Variants in MYH8 observed in about 807,000 individuals in gnomAD.
MYH8 encodes the protein myosin-8.
Under a neutral mutation model 233.2 loss-of-function variants are expected in MYH8, and 168 were observed. That is an observed-to-expected ratio of 0.72 (90% CI 0.64 to 0.82). The LOEUF (loss-of-function observed/expected upper bound fraction) is 0.82. Ranked by LOEUF, MYH8 falls within the 40% of genes least tolerant of loss-of-function variation. MYH8 has a pLI of 0.00. For missense variants in MYH8, 1,995 were observed against 2,327.8 expected (o/e 0.86, Z 2.94); for synonymous variants, 785 against 850.6 (o/e 0.92, Z 1.34).
rs751379339 is a variant in MYH8, at chr17:10,398,780, C to A, written c.3969G>T (p.Glu1323Asp). ...QQIEELKHQL[E>D]EETKAKNALA... is the part of the protein sequence containing the mutation. ...TGGCAAAACTCACTTTAGTTTCTTCCTCTAGTTGATGTTTCAGCTCTTCAA... is the reference window on the plus strand; with the variant it reads ...TGGCAAAACTCACTTTAGTTTCTTCATCTAGTTGATGTTTCAGCTCTTCAA... The change falls in exon 29 of 40, where the codon GAG becomes GAT. Residue 1323 changes from glutamate (E) to aspartate (D), a missense_variant. By Grantham distance (45) the Glu-to-Asp change is conservative. This residue lies in a region of MYH8 where 1,498 missense variants were observed against 1,680.9 expected (regional missense o/e 0.89). Transcript: ENST00000403437. 3.1e-6 allele frequency: 5 copies of A among 1,613,928 alleles called. No individual in the cohort carries two copies. The highest frequency in any genetic ancestry group is 4.2e-6 in the Non-Finnish European group (5 of 1,179,994).
At position 10,419,119 on chromosome 17, in the gene MYH8, G is replaced by A. The variant is rs375682419; in HGVS notation, c.211-89C>T. Reference sequence around the variant, plus strand: ...TTTGCCCAGGCTGGAGTGCAGTGGCGCGATCTCAGCTCACTGCAACCTCCG... The same window carrying A: ...TTTGCCCAGGCTGGAGTGCAGTGGCACGATCTCAGCTCACTGCAACCTCCG... On this transcript the variant is annotated intron_variant, in intron 3 of 39. Transcript: ENST00000403437. This position sits in a 1 kb window ranked among gnomAD's most constrained non-coding sequence, Gnocchi z 4.0. 3.4e-5 allele frequency: 50 copies of A among 1,452,336 alleles called. 1 individual carries two copies. In the Middle Eastern group the frequency reaches 6.8e-4, roughly 20 times the overall value. 90.0% of individuals were successfully genotyped at this position (1,452,336 alleles called of 1,614,324 possible). A position where few individuals can be genotyped will look rare whatever the true frequency, so the allele number is the denominator to read the frequency against.
chr17:10,406,319 T>C lies in MYH8; in HGVS notation c.2250A>G (p.Ala750=). The change falls in exon 20 of 40, where the codon GCA becomes GCG. Residue 750 remains alanine (A), a synonymous_variant. Transcript: ENST00000403437. ...ATTGAGTATGATCAATATCAATAGA[T>C]GCAAGAAGTTTCTCAGAAGCCTTCT... ...DSKKASEKLL[A]SIDIDHTQYK... 1 of 1,613,830 alleles carries C rather than the reference T, an allele frequency of 6.2e-7. No homozygotes were observed.
chr17:10,406,634 A>AT, intron 19 of MYH8, 56 bp downstream of exon 19: 2 of 1,514,016 alleles, frequency 1.3e-6, no homozygotes, highest in Non-Finnish European at 1.8e-6. Flanking sequence ...CGACTTCTTA[A>AT]TTTTTTAATA....
At chr17:10,399,825 G>A (rs1009339344) in intron 27 of MYH8, among the ~76,000 whole-genome samples, 156 bp from the exon 28 acceptor site, 3 of 152,212 alleles carry the variant, frequency 2.0e-5, no homozygotes, top group Admixed American at 6.5e-5. Flanking sequence ...TTTAGGCATG[G>A]CGAGTGCATA....
At position 10,419,959 on chromosome 17, in the gene MYH8, G is replaced by A; in HGVS notation, c.210+59C>T. The A allele has an allele frequency of 1.9e-6, 3 of 1,555,124 alleles. No homozygotes were observed. The highest frequency in any genetic ancestry group is 3.3e-5 in the Admixed American group (2 of 59,958). On this transcript the variant is annotated intron_variant, in intron 3 of 39. Coordinates refer to ENST00000403437, the MANE Select transcript of MYH8 (RefSeq NM_002472.3). The surrounding 1 kb of genome is among the most constrained non-coding windows in gnomAD (Gnocchi z 4.0). ...GGCTTGGAGATTCCCAGTAAGTTAG[G>A]CTTCAACTTTTGAACCAAGAAATAA... is the stretch of plus-strand genomic sequence containing the variant.
chr17:10,391,790 C>G, intron 39 of MYH8, 92 bp downstream of exon 39: 1 of 981,272 alleles, frequency 1.0e-6, no homozygotes, highest in Non-Finnish European at 1.7e-6. Context: ...TAGATTTTCA[C>G]TTTGTCTTCT....
Position 10,414,444 on chromosome 17 carries a change from C to A in MYH8, c.846G>T (p.Ala282=). 6.2e-7 allele frequency: 1 copy of A among 1,613,386 alleles called. No homozygotes were observed. Among genetic ancestry groups the A allele is most frequent in the Non-Finnish European group, 8.5e-7 (1 of 1,179,496 alleles). Residue 282 remains alanine (A), a synonymous_variant, in exon 10 of 40, where the codon GCG becomes GCT. Coordinates refer to ENST00000403437, the MANE Select transcript of MYH8 (RefSeq NM_002472.3). Reference sequence around the variant, plus strand: ...GATAAAAAATATGGTAGCTTCTTTCCGCCTTTAGCTGGAAAGTAACTCTGG... The same window carrying A: ...GATAAAAAATATGGTAGCTTCTTTCAGCCTTTAGCTGGAAAGTAACTCTGG... ...EKSRVTFQLK[A]ERSYHIFYQI... is the part of the protein sequence containing the mutation.
chr17:10,395,590 A>T (rs1235619639), intron 33 of MYH8, 149 bp from the exon 34 acceptor site: 7 of 803,072 alleles, frequency 8.7e-6, no homozygotes, highest in Non-Finnish European at 1.4e-5. Flanking sequence ...GTAAATCATT[A>T]TTTTGTTTAT....
chr17:10,413,788 G>T, intron 12 of MYH8, 114 bp downstream of exon 12: 1 of 1,441,022 alleles, frequency 6.9e-7, no homozygotes, highest in Non-Finnish European at 9.7e-7. Flanking sequence ...GTGTAAATGT[G>T]TATATGCCCT....
chr17:10,411,600 T>G (rs1308315867), intron 14 of MYH8, among the ~76,000 whole-genome samples: 3 of 152,192 alleles, frequency 2.0e-5, no homozygotes, highest in Non-Finnish European at 4.4e-5. Flanking sequence ...AAATTCTCAC[T>G]TCTTTCACCA....
At chr17:10,402,921 A>C (rs924411926) in intron 22 of MYH8, among the ~76,000 whole-genome samples, 2 of 152,186 alleles carry the variant, frequency 1.3e-5, no homozygotes, top group African/African-American at 4.8e-5. Context: ...GAGTTGTACC[A>C]TTGACTAGGC....
rs1248202086 is a variant in MYH8, at chr17:10,401,593, C to G, written c.2881G>C (p.Glu961Gln). ...SELKKDIDDL[E>Q]LTLAKVEKEK... is the part of the protein sequence containing the mutation. ...TTCTCAACCTTGGCCAGTGTCAGCTCAAGGTCATCAATGTCTTTCTTGAGT... is the reference window on the plus strand; with the variant it reads ...TTCTCAACCTTGGCCAGTGTCAGCTGAAGGTCATCAATGTCTTTCTTGAGT... Residue 961 changes from glutamate (E) to glutamine (Q), a missense_variant, in exon 23 of 40, where the codon GAG becomes CAG. Physicochemically the swap from Glu to Gln is conservative, Grantham distance 29. This residue lies in a region of MYH8 where 1,498 missense variants were observed against 1,680.9 expected (regional missense o/e 0.89). Transcript: ENST00000403437. 6.2e-7 allele frequency: 1 copy of G among 1,614,154 alleles called. No homozygotes were observed. The highest frequency in any genetic ancestry group is 8.5e-7 in the Non-Finnish European group (1 of 1,180,020).
Position 10,396,922 on chromosome 17 carries a change from C to A in MYH8, c.4243G>T (p.Ala1415Ser). Residue 1415 changes from alanine (A) to serine (S), a missense_variant, in exon 31 of 40, where the codon GCT becomes TCT. Ala to Ser is a moderately conservative substitution (Grantham distance 99). This residue lies in a region of MYH8 where 1,498 missense variants were observed against 1,680.9 expected (regional missense o/e 0.89). Transcript: ENST00000403437. The surrounding 1 kb of genome is among the most constrained non-coding windows in gnomAD (Gnocchi z 4.2). Reference protein sequence around the residue: ...EHVEAVNAKCASLEKTKQRLQ... With the variant: ...EHVEAVNAKCSSLEKTKQRLQ... ...CGCTGCTTCGTCTTCTCAAGGGAAG[C>A]ACATTTGGCGTTCACAGCTTCTACA... The A allele has an allele frequency of 6.2e-7, 1 of 1,614,226 alleles. No individual in the cohort carries two copies.
Position 10,401,648 on chromosome 17 carries a change from C to T in MYH8, c.2826G>A (p.Lys942=), listed in dbSNP as rs776918994. The T allele has an allele frequency of 2.5e-6, 4 of 1,613,996 alleles. No individual in the cohort carries two copies. The African/African-American group carries it at 5.3e-5, about 22-fold the overall frequency. ...AACATTCATCCTCCAGTTTTCTCTT[C>T]TTGGCTGTCAGCTCAGCATTGATCT... ...EEEINAELTA[K]KRKLEDECSE... is the part of the protein sequence containing the mutation. Residue 942 remains lysine, a synonymous_variant, in exon 23 of 40, where the codon AAG becomes AAA. Transcript: ENST00000403437.
Position 10,400,534 on chromosome 17 carries a change from C to A in MYH8, c.3591G>T (p.Lys1197Asn), listed in dbSNP as rs757912324. 1 of 1,614,194 alleles carries A rather than the reference C, an allele frequency of 6.2e-7. No individual in the cohort carries two copies. The highest frequency in any genetic ancestry group is 1.1e-5 in the South Asian group (1 of 91,080). ...GCTCAGCCATACTGTCTGCGTGCTT[C>A]TTCCGAAGAGCAGCCACCATAGCTT... ...QHEAMVAALR[K>N]KHADSMAELG... The change falls in exon 27 of 40, where the codon AAG (lysine) becomes AAT (asparagine). Residue 1197 changes from lysine (K) to asparagine (N), a missense_variant. Around this residue, in one of 3 missense-constraint regions of MYH8, gnomAD observed 1,498 missense variants for 1,680.9 expected, o/e 0.89. Transcript: ENST00000403437. This position sits in a 1 kb window ranked among gnomAD's most constrained non-coding sequence, Gnocchi z 4.0.
At chr17:10,408,241 G>C (rs2058643758) in intron 17 of MYH8, among the ~76,000 whole-genome samples, 1 of 152,082 alleles carries the variant, frequency 6.6e-6, no homozygotes, top group Non-Finnish European at 1.5e-5. Flanking sequence ...GCCCGGCCAA[G>C]AAGGCAGATT....
At position 10,417,670 on chromosome 17, in the gene MYH8, G is replaced by T. The variant is rs908079305; in HGVS notation, c.511+975C>A. Among the ~76,000 whole-genome samples, 1 of 152,172 alleles carries T rather than the reference G, an allele frequency of 6.6e-6. No individual in the cohort carries two copies. On this transcript the variant is annotated intron_variant, in intron 5 of 39. Coordinates refer to ENST00000403437, the MANE Select transcript of MYH8 (RefSeq NM_002472.3). This position sits in a 1 kb window ranked among gnomAD's most constrained non-coding sequence, Gnocchi z 4.1. ...TGTACATAGCTGTGTAAATGCAGCT[G>T]TTGAGTATTAAAACCTCTGAAATGA...
rs113680036 is a variant in MYH8 at position 10,412,508 on chromosome 17, C to T, written c.1278G>A (p.Ala426=). ...KGQTVQQVYN[A]VGALAKAVYE... ...AGACGGCTTTGGCCAGAGCACCCACCGCATTGTACACCTTCACAGATAGAG... is the reference window on the plus strand; with the variant it reads ...AGACGGCTTTGGCCAGAGCACCCACTGCATTGTACACCTTCACAGATAGAG... The change falls in exon 14 of 40, where the codon GCG becomes GCA. Residue 426 remains alanine (A), a synonymous_variant. Transcript: ENST00000403437. 148 of 1,614,244 alleles carry T rather than the reference C, an allele frequency of 9.2e-5. No homozygotes were observed. The African/African-American group carries it at 1.6e-3, about 17-fold the overall frequency.
At chr17:10,399,488 C>G (rs571365829) in intron 28 of MYH8, 55 bp downstream of exon 28, 14 of 1,611,348 alleles carry the variant, frequency 8.7e-6, no homozygotes, top group Non-Finnish European at 1.0e-5. Context: ...ATTAGAACCC[C>G]TAGAATCCAT....
Sources: allele counts gnomAD v4.1 joint callset (sites outside exome capture counted in the v4.1 genomes callset), GRCh38; gene constraint gnomAD v4.1.1; regional missense constraint gnomAD v4.1.1; non-coding constraint Gnocchi (gnomAD v3.1); transcripts MANE v1.5; gene names NCBI Gene and HGNC (gene_info 2026-07-23, HGNC 2026-07-21).